The following AFTPH variants were observed in gnomAD, a reference collection of about 807,000 sequenced individuals.
AFTPH encodes aftiphilin.
A neutral mutation model predicts 72.5 loss-of-function variants in AFTPH; 7 were observed. The ratio of observed to expected loss-of-function variants is 0.10; its 90% CI spans 0.05 to 0.18. The LOEUF is 0.18. Ranked by LOEUF, AFTPH falls within the 10% of genes least tolerant of loss-of-function variation. The probability of loss-of-function intolerance (pLI) is 1.00; values close to 1 mark genes in which losing one functional copy is unlikely to be tolerated. For missense variants in AFTPH, 979 were observed against 1,060.5 expected (o/e 0.92, Z 1.07); for synonymous variants, 337 against 370.1 (o/e 0.91, Z 1.03).
chr2:64,585,667 AGTC>A (rs1429627682), intron 8 of AFTPH, 122 bp downstream of exon 9: 1 of 1,064,310 alleles, frequency 9.4e-7, no homozygotes, highest in African/African-American at 1.6e-5. Context: ...TATAAAAGTC[AGTC>A]GATGCCCAAG....
At chr2:64,554,271 A>G (rs1467912633) in intron 2 of AFTPH, among the ~76,000 whole-genome samples, 1 of 152,188 alleles carries the variant, frequency 6.6e-6, no homozygotes, top group Non-Finnish European at 1.5e-5. Flanking sequence ...CTAGAGGTGT[A>G]GCTTGATATC....
chr2:64,585,719 T>G (rs1673464170), intron 8 of AFTPH, among the ~76,000 whole-genome samples, 174 bp downstream of exon 9: 1 of 152,176 alleles, frequency 6.6e-6, no homozygotes, highest in South Asian at 2.1e-4. Flanking sequence ...ATTATGAACT[T>G]TATTAGAACA....
chr2:64,545,552 A>G (rs1670532156), intron 1 of AFTPH, among the ~76,000 whole-genome samples: 1 of 132,648 alleles, frequency 7.5e-6, no homozygotes, highest in Non-Finnish European at 1.6e-5. Context: ...TATCTGTACA[A>G]TGGAATGCCA....
intron 1 of AFTPH, among the ~76,000 whole-genome samples, chr2:64,550,844 G>A (rs970631118): frequency 9.2e-5 from 14 of 152,086 alleles, no homozygotes; most frequent in Admixed American, 2.0e-4. Flanking sequence ...TTACCATTGG[G>A]AGAAGCTAAG....
At chr2:64,570,146 ATTAATGTTTTAAATG>A (rs1426576393) in intron 5 of AFTPH, among the ~76,000 whole-genome samples, 2 of 152,208 alleles carry the variant, frequency 1.3e-5, no homozygotes, top group African/African-American at 4.8e-5. Context: ...TAGTTTTTCC[ATTAATGTTTTAAATG>A]TGTTGAATTT....
intron 5 of AFTPH, among the ~76,000 whole-genome samples, chr2:64,570,706 A>T (rs1170902965): frequency 6.6e-6 from 1 of 152,114 alleles, no homozygotes; most frequent in East Asian, 1.9e-4. Context: ...TGTTGATGTT[A>T]TGGAACTAGG....
At chr2:64,577,933 G>A (rs1467419252) in intron 6 of AFTPH, among the ~76,000 whole-genome samples, 1 of 152,088 alleles carries the variant, frequency 6.6e-6, no homozygotes. Context: ...TATCACATAG[G>A]TAGATTCCTG....
At chr2:64,571,261 C>T (rs1459269056) in intron 5 of AFTPH, among the ~76,000 whole-genome samples, 2 of 141,848 alleles carry the variant, frequency 1.4e-5, no homozygotes, top group Non-Finnish European at 2.9e-5. Context: ...TTGAGCACCG[C>T]CCCCCACCCC....
At chr2:64,556,208 G>C (rs546717703) in intron 2 of AFTPH, among the ~76,000 whole-genome samples, 1 of 152,066 alleles carries the variant, frequency 6.6e-6, no homozygotes, top group African/African-American at 2.4e-5. Context: ...GGCTGGTCTC[G>C]AACTCCTGAC....
chr2:64,579,259 T>G (rs1673016687), intron 6 of AFTPH, among the ~76,000 whole-genome samples: 1 of 152,206 alleles, frequency 6.6e-6, no homozygotes, highest in Admixed American at 6.5e-5. Context: ...TAATTTCATT[T>G]CCCAGATACA....
At chr2:64,539,707 A>G (rs957165981) in intron 1 of AFTPH, among the ~76,000 whole-genome samples, 9 of 152,188 alleles carry the variant, frequency 5.9e-5, no homozygotes, top group Non-Finnish European at 1.0e-4. Context: ...ATGCAATGGT[A>G]AACAACAGAG....
intron 4 of AFTPH, among the ~76,000 whole-genome samples, 200 bp from the exon 5 acceptor site, chr2:64,569,423 T>G (rs546012151): frequency 2.2e-4 from 34 of 152,250 alleles, no homozygotes; most frequent in Admixed American, 5.2e-4. Context: ...TAGAAAAAAT[T>G]GTTTTAGTAG....
chr2:64,580,696 T>C (rs981621340), intron 7 of AFTPH: 1 of 152,716 alleles, frequency 6.5e-6, no homozygotes, highest in African/African-American at 2.4e-5. Context: ...TTATGTTATT[T>C]TATTTTAAAC....
chr2:64,541,160 G>A (rs190620088), intron 1 of AFTPH, among the ~76,000 whole-genome samples: 27 of 152,186 alleles, frequency 1.8e-4, no homozygotes, highest in African/African-American at 6.5e-4. Context: ...AGATAATTGA[G>A]ATAACTCACG....
intron 2 of AFTPH, among the ~76,000 whole-genome samples, chr2:64,556,381 G>A (rs1671379129): frequency 6.6e-6 from 1 of 152,204 alleles, no homozygotes; most frequent in African/African-American, 2.4e-5. Context: ...TGCCACAAGT[G>A]TCCTGAACAA....
rs774898205 is a variant in AFTPH at position 64,585,543 on chromosome 2, C to T, written c.2577C>T (p.Thr859=). The T allele has an allele frequency of 2.5e-6, 4 of 1,606,182 alleles. No homozygotes were observed. The East Asian group carries it at 6.7e-5, about 27-fold the overall frequency. The change falls in exon 8 of 9, where the codon ACC becomes ACT. Residue 859 remains threonine, a splice_region_variant and synonymous_variant. Transcript: ENST00000238856. ...CAGTAGAGAAGACAAGCACATCTACCAGGTAAATAAATAGTGTCAATTATA... is the reference window on the plus strand; with the variant it reads ...CAGTAGAGAAGACAAGCACATCTACTAGGTAAATAAATAGTGTCAATTATA...
intron 1 of AFTPH, among the ~76,000 whole-genome samples, chr2:64,529,118 C>G (rs902456442): frequency 1.3e-5 from 2 of 152,150 alleles, no homozygotes; most frequent in African/African-American, 4.8e-5. Context: ...TACAGAGGCA[C>G]TCCCTTCTGA....
chr2:64,591,020 GA>G (rs1237953143), intron 8 of AFTPH, among the ~76,000 whole-genome samples: 1 of 152,180 alleles, frequency 6.6e-6, no homozygotes, highest in Non-Finnish European at 1.5e-5. Flanking sequence ...GGTCTAAAGC[GA>G]ATAATATGTA....
intron 6 of AFTPH, among the ~76,000 whole-genome samples, chr2:64,575,939 A>T (rs1015827571): frequency 6.6e-6 from 1 of 151,730 alleles, no homozygotes; most frequent in African/African-American, 2.4e-5. Context: ...GGGTTTCACC[A>T]TGTTGGCCAG....
Sources: gnomAD v4.1 joint callset for allele counts (sites outside exome capture counted in the v4.1 genomes callset) on GRCh38, gnomAD v4.1.1 for gene constraint, MANE v1.5 for transcripts, NCBI Gene and HGNC (gene_info 2026-07-23, HGNC 2026-07-21) for gene names.